EYS: variants seen among roughly 807,000 people sequenced by gnomAD.
The protein encoded by EYS is EGF-like photoreceptor maintenance factor.
EYS carries 250 observed loss-of-function variants against 282.1 expected under a neutral mutation model. The observed-to-expected ratio is 0.89, with a 90% CI of 0.80 to 0.98. EYS has a LOEUF of 0.98. Among genes scored for constraint, EYS ranks in the 50% least tolerant of loss-of-function variants. EYS has a pLI of 0.00. For missense variants in EYS, 4,016 were observed against 3,709.0 expected, an observed-to-expected ratio of 1.08 and a Z score of -2.15; for synonymous variants, 1,355 against 1,282.9, an observed-to-expected ratio of 1.06 and a Z score of -1.20.
At chr6:65,622,022 C>T (rs891699963) in intron 2 of EYS, among the ~76,000 whole-genome samples, 1 of 151,958 alleles carries the variant, frequency 6.6e-6, no homozygotes, top group African/African-American at 2.4e-5. Flanking sequence ...TAAGCAGTTC[C>T]CAAGTCTCCA....
chr6:64,757,639 A>T (rs1292264776), intron 22 of EYS, among the ~76,000 whole-genome samples: 1 of 152,150 alleles, frequency 6.6e-6, no homozygotes, highest in Admixed American at 6.5e-5. Context: ...CCACTGTATC[A>T]ATCAGTAAAT....
intron 12 of EYS, among the ~76,000 whole-genome samples, chr6:65,111,936 C>A (rs1325025732): frequency 6.6e-6 from 1 of 152,106 alleles, no homozygotes; most frequent in African/African-American, 2.4e-5. Context: ...GTTCATCTCC[C>A]AGAAAACCTT....
chr6:65,432,214 G>A (rs1767913451), intron 5 of EYS, among the ~76,000 whole-genome samples: 1 of 152,008 alleles, frequency 6.6e-6, no homozygotes, highest in Admixed American at 6.6e-5. Context: ...TATAAATAGG[G>A]TTTTTGGAAG....
intron 10 of EYS, among the ~76,000 whole-genome samples, chr6:65,342,543 T>A (rs1399529532): frequency 6.6e-6 from 1 of 150,554 alleles, no homozygotes; most frequent in African/African-American, 2.4e-5. Context: ...ATTAATCAAA[T>A]TAATCAAATT....
intron 40 of EYS, among the ~76,000 whole-genome samples, chr6:63,765,571 C>T (rs1421978788): frequency 2.0e-5 from 3 of 151,726 alleles, no homozygotes; most frequent in Non-Finnish European, 1.5e-5. Context: ...TTGGTATAGG[C>T]AGGCAATGTG....
At chr6:63,975,723 G>A (rs986045698) in intron 35 of EYS, among the ~76,000 whole-genome samples, 1 of 151,954 alleles carries the variant, frequency 6.6e-6, no homozygotes, top group African/African-American at 2.4e-5. Context: ...TAATACAAAA[G>A]GAGAGTTGTG....
At chr6:64,264,698 T>A (rs775525741) in intron 30 of EYS, among the ~76,000 whole-genome samples, 24 of 151,972 alleles carry the variant, frequency 1.6e-4, no homozygotes, top group Non-Finnish European at 3.1e-4. Flanking sequence ...TCACTTGAGT[T>A]TAGGAGTTTG....
intron 26 of EYS, among the ~76,000 whole-genome samples, chr6:64,550,636 A>C (rs888163605): frequency 3.9e-5 from 6 of 152,174 alleles, no homozygotes; most frequent in African/African-American, 1.2e-4. Flanking sequence ...GAAGGAAATA[A>C]AGGGTATTCA....
rs543852010 is a variant in EYS, at chr6:64,115,666, C to T, written c.6425-33664G>A. Reference sequence around the variant, plus strand: ...CCACCTGACCCTACCCAGCTGGTGTCCTCACATCCACCCATAGGCAAAGGT... The same window carrying T: ...CCACCTGACCCTACCCAGCTGGTGTTCTCACATCCACCCATAGGCAAAGGT... On this transcript the variant is annotated intron_variant, in intron 31 of 42. Transcript: ENST00000503581. Among the ~76,000 whole-genome samples the T allele has an allele frequency of 2.3e-4, 35 of 152,276 alleles. No individual in the cohort carries two copies. The South Asian group carries it at 3.7e-3, about 16-fold the overall frequency.
At position 65,306,832 on chromosome 6, in the gene EYS, CAAAAAAAAAAAA is replaced by C. The variant is rs201743269; in HGVS notation, c.1767-10725_1767-10714del. ...TGGGCAGCAGAGCAAGAGTCCGTCT[CAAAAAAAAAAAA>C]AAAAAAAAAAAAAAAAAAGAAAGTC... On this transcript the variant is annotated intron_variant, in intron 11 of 42. Transcript: ENST00000503581. Among the ~76,000 whole-genome samples the C allele has an allele frequency of 7.0e-3, 362 of 51,638 alleles. 4 individuals are homozygous for C. Among genetic ancestry groups the C allele is most frequent in the African/African-American group, 0.019 (228 of 12,072 alleles). The allele number at this position is 51,638 out of a possible 152,430, so 33.9% of individuals were successfully genotyped here. A position where few individuals can be genotyped will look rare whatever the true frequency, so the allele number is the denominator to read the frequency against.
At chr6:65,359,326 T>G (rs1764610749) in intron 8 of EYS, among the ~76,000 whole-genome samples, 1 of 152,086 alleles carries the variant, frequency 6.6e-6, no homozygotes, top group Non-Finnish European at 1.5e-5. Context: ...TTTTATAACC[T>G]TAACCAACTG....
intron 30 of EYS, among the ~76,000 whole-genome samples, chr6:64,299,850 T>C (rs1350712853): frequency 6.6e-6 from 1 of 152,098 alleles, no homozygotes; most frequent in Admixed American, 6.5e-5. Context: ...TCTCTAACAC[T>C]ATGGGCTTTG....
At chr6:64,068,154 T>C (rs1771445864) in intron 32 of EYS, among the ~76,000 whole-genome samples, 1 of 152,180 alleles carries the variant, frequency 6.6e-6, no homozygotes, top group African/African-American at 2.4e-5. Flanking sequence ...TCATTTGGTA[T>C]GGTCACTTTG....
chr6:64,605,938 T>A (rs1223641112), intron 24 of EYS, among the ~76,000 whole-genome samples: 1 of 152,012 alleles, frequency 6.6e-6, no homozygotes, highest in Non-Finnish European at 1.5e-5. Context: ...TTCAACTGAC[T>A]GCTCATAAGA....
At chr6:64,739,727 C>A (rs1244248133) in intron 22 of EYS, among the ~76,000 whole-genome samples, 3 of 152,058 alleles carry the variant, frequency 2.0e-5, no homozygotes, top group Non-Finnish European at 4.4e-5. Context: ...CCACAAAATT[C>A]TGTAAGGACC....
At chr6:64,074,463 G>A (rs1280534084) in intron 32 of EYS, among the ~76,000 whole-genome samples, 1 of 150,918 alleles carries the variant, frequency 6.6e-6, no homozygotes, top group Admixed American at 6.6e-5. Context: ...TGCTAAACAT[G>A]GATACTTTAT....
intron 35 of EYS, among the ~76,000 whole-genome samples, chr6:63,880,552 G>A (rs1424635669): frequency 1.4e-5 from 2 of 143,810 alleles, no homozygotes; most frequent in African/African-American, 5.1e-5. Context: ...ATGGAAACCT[G>A]ACTAATTCAG....
intron 31 of EYS, among the ~76,000 whole-genome samples, chr6:64,158,993 G>C (rs1031658788): frequency 4.6e-5 from 7 of 152,104 alleles, no homozygotes; most frequent in African/African-American, 1.4e-4. Context: ...GTGTGTTCTT[G>C]TGTAGATGGA....
chr6:65,331,772 T>A, intron 11 of EYS: 2 of 962,508 alleles, frequency 2.1e-6, no homozygotes, highest in Non-Finnish European at 2.5e-6. Context: ...TTTTGTGGCT[T>A]ACTACTTTTC....
Sources: allele counts gnomAD v4.1 joint callset (sites outside exome capture counted in the v4.1 genomes callset), GRCh38; gene constraint gnomAD v4.1.1; transcripts MANE v1.5; gene names NCBI Gene and HGNC (gene_info 2026-07-23, HGNC 2026-07-21).